SIDT1: variants seen among roughly 807,000 people sequenced by gnomAD.
SIDT1 encodes the protein SID1 transmembrane family, member 1.
In SIDT1, 101 loss-of-function variants were observed where a neutral mutation model predicts 107.5. That is an observed-to-expected ratio of 0.94 (90% CI 0.80 to 1.11). SIDT1 has a LOEUF of 1.11. SIDT1 is among the 50% of genes least tolerant of loss of function. SIDT1 has a pLI of 0.00. For synonymous variants in SIDT1, 395 were observed against 398.2 expected (o/e 0.99, Z 0.10); for missense variants, 1,076 against 1,058.2 (o/e 1.02, Z -0.23).
At chr3:113,569,726 A>G (rs1211911235) in intron 3 of SIDT1, among the ~76,000 whole-genome samples, 1 of 152,176 alleles carries the variant, frequency 6.6e-6, no homozygotes, top group African/African-American at 2.4e-5. Flanking sequence ...ATCCTCCACA[A>G]GAACAAGGAG....
At chr3:113,564,499 G>T (rs1560041460) in intron 1 of SIDT1, among the ~76,000 whole-genome samples, 2 of 152,172 alleles carry the variant, frequency 1.3e-5, no homozygotes, top group Non-Finnish European at 2.9e-5. Context: ...TAGACAGCGG[G>T]CTGCCAAGGA....
Position 113,592,876 on chromosome 3 carries a change from G to A in SIDT1, c.1002-129G>A, listed in dbSNP as rs544390852. The A allele has an allele frequency of 2.0e-3, 1,566 of 775,568 alleles. 33 individuals carry two copies. In the South Asian group the frequency reaches 0.021, roughly 10 times the overall value. 48.0% of individuals were successfully genotyped at this position (775,568 alleles called of 1,614,324 possible). A position where few individuals can be genotyped will look rare whatever the true frequency, so the allele number is the denominator to read the frequency against. ...GCTGGGATTACAGGTGTGTGCCACC[G>A]CACCTGGCCCCAAAGACATGTTTTG... On this transcript the variant is annotated intron_variant, in intron 9 of 24. Transcript: ENST00000264852.
chr3:113,553,003 C>T (rs1940444204), intron 1 of SIDT1, among the ~76,000 whole-genome samples: 1 of 152,084 alleles, frequency 6.6e-6, no homozygotes, highest in East Asian at 1.9e-4. Context: ...ACTTCGTGGG[C>T]CCAGACATAG....
chr3:113,551,831 G>A (rs1367253318), intron 1 of SIDT1, among the ~76,000 whole-genome samples: 2 of 142,134 alleles, frequency 1.4e-5, no homozygotes, highest in African/African-American at 5.0e-5. Context: ...AGGGGTGTGT[G>A]TGTGTGTGTG....
chr3:113,551,204 G>A (rs62265504), intron 1 of SIDT1, among the ~76,000 whole-genome samples: 20 of 152,162 alleles, frequency 1.3e-4, no homozygotes, highest in Non-Finnish European at 2.6e-4. Flanking sequence ...TTGCTATTGT[G>A]AATGGTGCTG....
intron 1 of SIDT1, among the ~76,000 whole-genome samples, chr3:113,543,183 C>T (rs1394807464): frequency 1.3e-5 from 2 of 152,080 alleles, no homozygotes; most frequent in Non-Finnish European, 2.9e-5. Flanking sequence ...TCAGGTGATC[C>T]ATCTGCCTCA....
chr3:113,573,668 G>A (rs1215661280), intron 3 of SIDT1, among the ~76,000 whole-genome samples: 1 of 152,120 alleles, frequency 6.6e-6, no homozygotes, highest in African/African-American at 2.4e-5. Context: ...CTTGTGAATG[G>A]GATTAATACC....
At position 113,611,149 on chromosome 3, in the gene SIDT1, G is replaced by C. The variant is rs148845684; in HGVS notation, c.1857+5G>C. The C allele has an allele frequency of 3.7e-6, 6 of 1,612,114 alleles. No individual in the cohort carries two copies. The highest frequency in any genetic ancestry group is 3.4e-6 in the Non-Finnish European group (4 of 1,178,946). On this transcript the variant is annotated splice_donor_5th_base_variant and intron_variant, in intron 18 of 24. Coordinates refer to ENST00000264852, the MANE Select transcript of SIDT1 (RefSeq NM_017699.3). ...ATGGTCACCGTCCTTGGAGTGGTGCGTCCCCCACCTTCTTCCACCTGGCTC... is the reference window on the plus strand; with the variant it reads ...ATGGTCACCGTCCTTGGAGTGGTGCCTCCCCCACCTTCTTCCACCTGGCTC...
intron 17 of SIDT1, among the ~76,000 whole-genome samples, chr3:113,610,442 T>C (rs1468553916): frequency 1.3e-5 from 2 of 152,214 alleles, no homozygotes; most frequent in Non-Finnish European, 2.9e-5. Context: ...TTGAGTAAAA[T>C]GGAGGCATTG....
chr3:113,625,439 A>G (rs926847307), intron 23 of SIDT1, among the ~76,000 whole-genome samples: 17 of 152,018 alleles, frequency 1.1e-4, no homozygotes, highest in African/African-American at 4.8e-5. Flanking sequence ...ACACCCGGCC[A>G]TAGCTCTATT....
In SIDT1 at chr3:113,567,709, C is replaced by T. The variant is rs144881243; in HGVS notation, c.514C>T (p.Arg172Trp). The T allele has an allele frequency of 1.0e-3, 1,630 of 1,613,322 alleles. 2 individuals carry two copies. Among genetic ancestry groups the T allele is most frequent in the Admixed American group, 1.4e-3 (81 of 59,876 alleles). ...LVTKLKHFQL[R>W]TNVAFHFTAS... is the part of the protein sequence containing the mutation. ...TACCAAGCTGAAGCACTTCCAGCTC[C>T]GGTAAGCGGGACTTTCTCTGTTTAC... The change falls in exon 3 of 25, where the codon CGG (arginine) becomes TGG (tryptophan). Residue 172 changes from arginine (R) to tryptophan (W), a missense_variant and splice_region_variant. Coordinates refer to ENST00000264852, the MANE Select transcript of SIDT1 (RefSeq NM_017699.3).
chr3:113,534,679 G>T (rs72950831), intron 1 of SIDT1, among the ~76,000 whole-genome samples: 5,919 of 152,238 alleles, frequency 0.039, 216 homozygotes, highest in African/African-American at 0.097. Context: ...GCAGAAAAAA[G>T]TCTGAAAACT....
chr3:113,634,840 T>A, the SIDT1 span, among the ~76,000 whole-genome samples: 1 of 152,006 alleles, frequency 6.6e-6, no homozygotes, highest in South Asian at 2.1e-4. Flanking sequence ...AGAAAAGCAT[T>A]TTCCAAAATA....
chr3:113,559,336 T>C (rs979932837), intron 1 of SIDT1, among the ~76,000 whole-genome samples: 1 of 152,256 alleles, frequency 6.6e-6, no homozygotes, highest in African/African-American at 2.4e-5. Context: ...CTCTACATGT[T>C]GCAAACATGG....
chr3:113,605,172 G>C (rs1443527373), intron 14 of SIDT1, among the ~76,000 whole-genome samples, 196 bp downstream of exon 14: 2 of 130,174 alleles, frequency 1.5e-5, no homozygotes, highest in Non-Finnish European at 3.1e-5. Context: ...ACCCTGGCTG[G>C]AGTGCAATGG....
chr3:113,585,038 A>G (rs551025198), intron 8 of SIDT1, 139 bp from the exon 9 acceptor site: 30 of 672,794 alleles, frequency 4.5e-5, no homozygotes, highest in Non-Finnish European at 7.3e-5. Flanking sequence ...GACCTCCAGT[A>G]GCAGTTTTGC....
At chr3:113,549,006 A>G (rs1939912062) in intron 1 of SIDT1, among the ~76,000 whole-genome samples, 1 of 152,184 alleles carries the variant, frequency 6.6e-6, no homozygotes, top group Non-Finnish European at 1.5e-5. Flanking sequence ...TACAACTTGT[A>G]GCTTTTTCAT....
chr3:113,562,829 C>A (rs1000586982), intron 1 of SIDT1, among the ~76,000 whole-genome samples: 2 of 152,108 alleles, frequency 1.3e-5, no homozygotes, highest in African/African-American at 2.4e-5. Flanking sequence ...GAATTATGCA[C>A]TTTAAAAGAA....
At chr3:113,620,388 T>A (rs1946388587) in intron 21 of SIDT1, among the ~76,000 whole-genome samples, 1 of 152,150 alleles carries the variant, frequency 6.6e-6, no homozygotes. Context: ...TCTATCCTCT[T>A]ATACAGTTGA....
Sources: allele counts gnomAD v4.1 joint callset (sites outside exome capture counted in the v4.1 genomes callset), GRCh38; gene constraint gnomAD v4.1.1; transcripts MANE v1.5; gene names NCBI Gene and HGNC (gene_info 2026-07-23, HGNC 2026-07-21).